BCKDHB: variants seen among roughly 807,000 people sequenced by gnomAD.
The protein encoded by BCKDHB is 2-oxoisovalerate dehydrogenase subunit beta, mitochondrial.
Under a neutral mutation model 48.5 loss-of-function variants are expected in BCKDHB, and 41 were observed. That is an observed-to-expected ratio of 0.85 (90% CI 0.66 to 1.10). BCKDHB has a LOEUF of 1.10. Ranked by LOEUF, BCKDHB falls within the 50% of genes least tolerant of loss-of-function variation. The pLI is 0.00. For synonymous variants in BCKDHB, 201 were observed against 174.8 expected (o/e 1.15, Z -1.18); for missense variants, 496 against 494.2 (o/e 1.00, Z -0.03).
chr6:80,162,205 T>G (rs771450110), intron 3 of BCKDHB, among the ~76,000 whole-genome samples: 24 of 152,072 alleles, frequency 1.6e-4, no homozygotes, highest in Non-Finnish European at 2.6e-4. Flanking sequence ...TTTTTCCCCC[T>G]CCTCAAAACA....
chr6:80,237,291 C>T (rs1776183782), intron 8 of BCKDHB, among the ~76,000 whole-genome samples: 2 of 152,158 alleles, frequency 1.3e-5, no homozygotes, highest in African/African-American at 4.8e-5. Flanking sequence ...ACAGGGATGT[C>T]ACTGAGGATA....
intron 6 of BCKDHB, among the ~76,000 whole-genome samples, chr6:80,175,726 T>C (rs892560871): frequency 2.6e-5 from 4 of 152,208 alleles, no homozygotes; most frequent in South Asian, 4.1e-4. Flanking sequence ...AGGAGACAGA[T>C]CTCTTTATAT....
chr6:80,331,602 G>A (rs921607699), intron 9 of BCKDHB, among the ~76,000 whole-genome samples: 1 of 152,152 alleles, frequency 6.6e-6, no homozygotes. Flanking sequence ...GGGTGAAACA[G>A]CACTCATCTA....
the BCKDHB span, among the ~76,000 whole-genome samples, chr6:80,459,997 C>T: frequency 6.6e-6 from 1 of 152,080 alleles, no homozygotes; most frequent in Non-Finnish European, 1.5e-5. Context: ...ATACTTTCTT[C>T]ATGTACTTCC....
At chr6:80,281,789 G>A (rs535021380) in intron 9 of BCKDHB, among the ~76,000 whole-genome samples, 133 of 151,406 alleles carry the variant, frequency 8.8e-4, no homozygotes, top group Middle Eastern at 6.8e-3. Context: ...AAACCATCTA[G>A]CAGTCGGTTT....
the BCKDHB span, among the ~76,000 whole-genome samples, chr6:80,429,595 T>C: frequency 6.6e-6 from 1 of 152,302 alleles, no homozygotes; most frequent in East Asian, 1.9e-4. Context: ...TCACATCCCT[T>C]GTAAGTTGGA....
chr6:80,399,826 G>A, the BCKDHB span, among the ~76,000 whole-genome samples: 1 of 150,782 alleles, frequency 6.6e-6, no homozygotes, highest in South Asian at 2.1e-4. Flanking sequence ...GAGGCATCAT[G>A]CAACTATTCT....
chr6:80,242,640 C>T (rs1776436209), intron 8 of BCKDHB, among the ~76,000 whole-genome samples: 10 of 152,162 alleles, frequency 6.6e-5, no homozygotes, highest in Admixed American at 6.5e-4. Context: ...AGGAATGTGA[C>T]ATCATGGCAA....
At chr6:80,178,619 G>C (rs1172135544) in intron 6 of BCKDHB, among the ~76,000 whole-genome samples, 1 of 152,142 alleles carries the variant, frequency 6.6e-6, no homozygotes, top group East Asian at 1.9e-4. Flanking sequence ...TAGACGCTGG[G>C]CTATCTTGTG....
intron 9 of BCKDHB, among the ~76,000 whole-genome samples, chr6:80,321,621 T>G (rs1036503111): frequency 3.9e-5 from 6 of 152,210 alleles, no homozygotes; most frequent in Non-Finnish European, 8.8e-5. Flanking sequence ...GTGAATCCAC[T>G]GAAACTTCCA....
the BCKDHB span, among the ~76,000 whole-genome samples, chr6:80,405,162 G>A: frequency 2.0e-5 from 3 of 152,006 alleles, no homozygotes; most frequent in African/African-American, 7.2e-5. Context: ...TTATTGTATT[G>A]CTGTCTATCT....
At chr6:80,390,619 T>C in the BCKDHB span, among the ~76,000 whole-genome samples, 1 of 152,178 alleles carries the variant, frequency 6.6e-6, no homozygotes, top group Admixed American at 6.6e-5. Context: ...GCATTTGGGT[T>C]GGGGATTGGT....
intron 6 of BCKDHB, among the ~76,000 whole-genome samples, chr6:80,190,776 G>T (rs898953308): frequency 6.6e-6 from 1 of 152,110 alleles, no homozygotes; most frequent in Admixed American, 6.5e-5. Context: ...TAATTCATGG[G>T]TTGGAAGCAA....
the BCKDHB span, among the ~76,000 whole-genome samples, chr6:80,391,171 A>ATGTGTGTGTG: frequency 2.2e-4 from 4 of 18,250 alleles, no homozygotes; most frequent in African/African-American, 2.5e-4. Flanking sequence ...ATAAATGCAT[A>ATGTGTGTGTG]TATATATGTG....
intron 9 of BCKDHB, among the ~76,000 whole-genome samples, chr6:80,334,910 T>G (rs1197901842): frequency 6.6e-6 from 1 of 151,954 alleles, no homozygotes; most frequent in Non-Finnish European, 1.5e-5. Context: ...ATATACTTTT[T>G]ATTTTGTCTA....
chr6:80,301,160 G>A (rs1767560601), intron 9 of BCKDHB, among the ~76,000 whole-genome samples: 1 of 151,844 alleles, frequency 6.6e-6, no homozygotes, highest in Non-Finnish European at 1.5e-5. Flanking sequence ...CAACCCTAAA[G>A]CTAGCAGAGG....
rs561940829 is a variant in BCKDHB at position 80,293,095 on chromosome 6, A to G, written c.1038+19874A>G. ...CAGGTGCACAGTGGAAGCTGTCAGT[A>G]TATCTACCATTTTGGGGTCGAGAGG... On this transcript the variant is annotated intron_variant, in intron 9 of 9. Transcript: ENST00000320393. Among the ~76,000 whole-genome samples, 316 of 152,226 alleles carry G rather than the reference A, an allele frequency of 2.1e-3. 1 individual carries two copies. Among genetic ancestry groups the G allele is most frequent in the Middle Eastern group, 6.8e-3 (2 of 294 alleles).
intron 9 of BCKDHB, among the ~76,000 whole-genome samples, chr6:80,317,030 C>CT (rs1019299747): frequency 2.0e-5 from 3 of 152,122 alleles, no homozygotes; most frequent in Admixed American, 6.5e-5. Context: ...TGCTCTAATT[C>CT]TTTAAAACAT....
At chr6:80,287,044 A>G (rs772968978) in intron 9 of BCKDHB, among the ~76,000 whole-genome samples, 2 of 152,130 alleles carry the variant, frequency 1.3e-5, no homozygotes, top group African/African-American at 4.8e-5. Context: ...GGCCAAAGGG[A>G]GGTGAACTGG....
Sources: gnomAD v4.1 joint callset for allele counts (sites outside exome capture counted in the v4.1 genomes callset) on GRCh38, gnomAD v4.1.1 for gene constraint, MANE v1.5 for transcripts, NCBI Gene and HGNC (gene_info 2026-07-23, HGNC 2026-07-21) for gene names.